The following DNAH9 variants were observed in gnomAD, a reference collection of about 807,000 sequenced individuals.
DNAH9 encodes dynein axonemal heavy chain 9.
Under a neutral mutation model 471.6 loss-of-function variants are expected in DNAH9, and 345 were observed. The ratio of observed to expected loss-of-function variants is 0.73; its 90% CI spans 0.67 to 0.80. The LOEUF (loss-of-function observed/expected upper bound fraction) is 0.80. DNAH9 is among the 30% of genes least tolerant of loss of function. The pLI is 0.00. For synonymous variants in DNAH9, 2,093 were observed against 2,123.6 expected (o/e 0.99, Z 0.40); for missense variants, 5,407 against 5,609.2 (o/e 0.96, Z 1.15).
intron 26 of DNAH9, among the ~76,000 whole-genome samples, chr17:11,708,566 A>G (rs1030044241): frequency 3.3e-5 from 5 of 152,100 alleles, no homozygotes; most frequent in Admixed American, 3.3e-4. Context: ...ACTTGGGCCA[A>G]TTAGTTGGAG....
chr17:11,785,337 G>A (rs900505697), intron 41 of DNAH9, among the ~76,000 whole-genome samples: 2 of 151,964 alleles, frequency 1.3e-5, no homozygotes, highest in Non-Finnish European at 2.9e-5. Flanking sequence ...TTCACACCAA[G>A]CAGAGGCCAC....
rs368338226 is a variant in DNAH9 at position 11,669,409 on chromosome 17, C to T, written c.2968C>T (p.Arg990Cys). 18 of 1,613,674 alleles carry T rather than the reference C, an allele frequency of 1.1e-5. No homozygotes were observed. The highest frequency in any genetic ancestry group is 1.7e-5 in the Admixed American group (1 of 59,976). Residue 990 changes from arginine (R) to cysteine (C), a missense_variant, in exon 17 of 69, where the codon CGC (arginine) becomes TGC (cysteine). Physicochemically the swap from Arg to Cys is radical, Grantham distance 180 (BLOSUM62 -3). Coordinates refer to ENST00000262442, the MANE Select transcript of DNAH9 (RefSeq NM_001372.4). ...TATACCAGATTTGGCAAACATGCGG[C>T]GCACACTCATGGAGAGAGTCCAGAG... ...DGIPDLANMR[R>C]TLMERVQRMM...
At chr17:11,791,296 CACTT>C (rs1199609290) in intron 41 of DNAH9, among the ~76,000 whole-genome samples, 4 of 152,136 alleles carry the variant, frequency 2.6e-5, no homozygotes, top group Admixed American at 6.6e-5. Flanking sequence ...TTAGACTTAT[CACTT>C]ACTAAGTACT....
At chr17:11,840,008 C>T (rs1322379563) in intron 49 of DNAH9, among the ~76,000 whole-genome samples, 1 of 152,180 alleles carries the variant, frequency 6.6e-6, no homozygotes, top group Admixed American at 6.5e-5. Context: ...TATACAAAGG[C>T]TTCTCAAAAC....
chr17:11,759,321 A>G (rs191366823), intron 35 of DNAH9, among the ~76,000 whole-genome samples: 1 of 151,730 alleles, frequency 6.6e-6, no homozygotes, highest in Non-Finnish European at 1.5e-5. Context: ...ATTTCACTCT[A>G]TATTTCCATA....
chr17:11,598,991 G>A, intron 1 of DNAH9, 76 bp downstream of exon 1: 1 of 1,124,356 alleles, frequency 8.9e-7, no homozygotes, highest in Non-Finnish European at 1.2e-6. Flanking sequence ...GGACGGAGGC[G>A]GGGCCAGAGG....
chr17:11,727,077 A>AAAAAAAAAAAC (rs2075167459), intron 27 of DNAH9, among the ~76,000 whole-genome samples: 2 of 118,026 alleles, frequency 1.7e-5, no homozygotes, highest in African/African-American at 6.0e-5. Context: ...AAAAAAAAAA[A>AAAAAAAAAAAC]CCCGCTGAAT....
chr17:11,901,129 G>T (rs754447684), intron 59 of DNAH9, among the ~76,000 whole-genome samples: 1 of 152,178 alleles, frequency 6.6e-6, no homozygotes, highest in Non-Finnish European at 1.5e-5. Flanking sequence ...TGATGCTTAG[G>T]GGGTGGGGCC....
intron 49 of DNAH9, among the ~76,000 whole-genome samples, chr17:11,837,603 A>G (rs189945164): frequency 4.1e-4 from 63 of 152,310 alleles, no homozygotes; most frequent in Non-Finnish European, 3.1e-4. Flanking sequence ...GCTCCTACCC[A>G]TAATCCAACA....
chr17:11,748,060 T>C (rs4491573), intron 32 of DNAH9, among the ~76,000 whole-genome samples: 3,577 of 146,506 alleles, frequency 0.024, 66 homozygotes, highest in East Asian at 0.086. Context: ...ATCCCAACAC[T>C]TTGGGAAGCG....
chr17:11,604,750 A>G (rs2072463615), intron 1 of DNAH9, among the ~76,000 whole-genome samples: 1 of 151,850 alleles, frequency 6.6e-6, no homozygotes, highest in Non-Finnish European at 1.5e-5. Context: ...CCTATTGGCT[A>G]TACCTTCAAA....
At chr17:11,920,170 G>A (rs2151026194) in intron 61 of DNAH9, among the ~76,000 whole-genome samples, 1 of 151,920 alleles carries the variant, frequency 6.6e-6, no homozygotes, top group South Asian at 2.1e-4. Context: ...CTGAGTAGCT[G>A]GGATTACAGG....
chr17:11,918,263 A>G (rs1211404006), intron 61 of DNAH9, among the ~76,000 whole-genome samples: 2 of 151,538 alleles, frequency 1.3e-5, no homozygotes, highest in East Asian at 1.9e-4. Flanking sequence ...ACAGGCTCTC[A>G]CTGTGTTGCC....
intron 19 of DNAH9, among the ~76,000 whole-genome samples, chr17:11,686,692 A>G (rs1250064931): frequency 6.6e-6 from 1 of 152,232 alleles, no homozygotes; most frequent in East Asian, 1.9e-4. Context: ...AATAAGTTTG[A>G]TAAACATTCA....
At chr17:11,890,436 T>C (rs2151003279) in intron 57 of DNAH9, among the ~76,000 whole-genome samples, 1 of 152,234 alleles carries the variant, frequency 6.6e-6, no homozygotes, top group East Asian at 1.9e-4. Context: ...CCTGGAACCA[T>C]GGAAGGGAGA....
rs531608976 is a variant in DNAH9 at position 11,655,537 on chromosome 17, A to G, written c.2595+2535A>G. Reference sequence around the variant, plus strand: ...AATTACTAAGTTTTGTATTTGACCTAAGGGACCTTTATGACTACCCTGGAG... The same window carrying G: ...AATTACTAAGTTTTGTATTTGACCTGAGGGACCTTTATGACTACCCTGGAG... On this transcript the variant is annotated intron_variant, in intron 14 of 68. Transcript: ENST00000262442. 3.3e-3 allele frequency among the ~76,000 whole-genome samples: 508 copies of G among 151,838 alleles called. 2 individuals carry two copies. The highest frequency in any genetic ancestry group is 6.2e-3 in the African/African-American group (257 of 41,452).
chr17:11,822,431 T>G lies in DNAH9; in HGVS notation c.8851-7T>G, dbSNP rs1193377480. ...TCCTGGTTCTCCCCACCCTTCTGAC[T>G]TCTCAGGTGACTCTCTGTTTCTCCC... On this transcript the variant is annotated splice_region_variant and splice_polypyrimidine_tract_variant and intron_variant, in intron 46 of 68. Transcript: ENST00000262442. 1 of 1,614,174 alleles carries G rather than the reference T, an allele frequency of 6.2e-7. No individual in the cohort carries two copies. Among genetic ancestry groups the G allele is most frequent in the East Asian group, 2.2e-5 (1 of 44,876 alleles).
intron 6 of DNAH9, among the ~76,000 whole-genome samples, chr17:11,621,422 A>AC (rs2072859978): frequency 6.6e-6 from 1 of 151,362 alleles, no homozygotes; most frequent in Non-Finnish European, 1.5e-5. Flanking sequence ...AAAAAAAAAA[A>AC]AAAAAAGACA....
intron 43 of DNAH9, among the ~76,000 whole-genome samples, chr17:11,806,139 T>G (rs1969672816): frequency 6.6e-6 from 1 of 152,224 alleles, no homozygotes; most frequent in Non-Finnish European, 1.5e-5. Flanking sequence ...TACGTAGCCC[T>G]GAATTTGCTG....
Sources: gnomAD v4.1 joint callset for allele counts (sites outside exome capture counted in the v4.1 genomes callset) on GRCh38, gnomAD v4.1.1 for gene constraint, MANE v1.5 for transcripts, NCBI Gene and HGNC (gene_info 2026-07-23, HGNC 2026-07-21) for gene names.